The following IL17RD variants were observed in gnomAD, a reference collection of about 807,000 sequenced individuals.
IL17RD encodes interleukin-17 receptor D.
A neutral mutation model predicts 80.5 loss-of-function variants in IL17RD; 52 were observed. That is an observed-to-expected ratio of 0.65 (90% CI 0.52 to 0.81). IL17RD has a LOEUF of 0.81. Ranked by LOEUF, IL17RD falls within the 40% of genes least tolerant of loss-of-function variation. IL17RD has a pLI of 0.00. For missense variants in IL17RD, 1,024 were observed against 955.1 expected (o/e 1.07, Z -0.95); for synonymous variants, 416 against 391.8 (o/e 1.06, Z -0.73).
At chr3:57,137,892 A>G (rs1165063631) in intron 1 of IL17RD, among the ~76,000 whole-genome samples, 1 of 152,248 alleles carries the variant, frequency 6.6e-6, no homozygotes, top group Non-Finnish European at 1.5e-5. Flanking sequence ...TAAAGAGATA[A>G]GAAGACTCAA....
intron 2 of IL17RD, among the ~76,000 whole-genome samples, 198 bp from the exon 3 acceptor site, chr3:57,115,015 T>G (rs965251221): frequency 2.0e-5 from 3 of 152,030 alleles, no homozygotes; most frequent in Non-Finnish European, 4.4e-5. Flanking sequence ...GAGGAATGAT[T>G]TGTAGCACCA....
chr3:57,132,570 T>C (rs1285950236), intron 1 of IL17RD, among the ~76,000 whole-genome samples: 1 of 152,264 alleles, frequency 6.6e-6, no homozygotes, highest in African/African-American at 2.4e-5. Flanking sequence ...CATCCAACTG[T>C]AATCCTTTAT....
rs180767856 is a variant in IL17RD, at chr3:57,124,823, C to T, written c.127-4510G>A. Among the ~76,000 whole-genome samples the T allele has an allele frequency of 4.6e-5, 7 of 152,302 alleles. No homozygotes were observed. The South Asian group carries it at 1.0e-3, about 23-fold the overall frequency. On this transcript the variant is annotated intron_variant, in intron 1 of 12. Coordinates refer to ENST00000296318, the MANE Select transcript of IL17RD (RefSeq NM_017563.5). ...ATAGACCTCCATGTCACACACACGGCACGTGCTGTCATTCCTCCACCCTGC... is the reference window on the plus strand; with the variant it reads ...ATAGACCTCCATGTCACACACACGGTACGTGCTGTCATTCCTCCACCCTGC...
In IL17RD at chr3:57,165,177, TCGGCGCCCCGC is replaced by T; in HGVS notation, c.99_109del (p.Arg34HisfsTer24). On this transcript the variant is annotated frameshift_variant, in exon 1 of 13. Coordinates refer to ENST00000296318, the MANE Select transcript of IL17RD (RefSeq NM_017563.5). LOFTEE classifies it high-confidence loss of function. ...TCGCCTTACCCTCCAGCCACAGGTG[TCGGCGCCCCGC>T]GCGCGGCCGGACCCGCCAGCGGCCA... 2 of 1,526,362 alleles carry T rather than the reference TCGGCGCCCCGC, an allele frequency of 1.3e-6. No homozygotes were observed. The highest frequency in any genetic ancestry group is 1.8e-6 in the Non-Finnish European group (2 of 1,138,330). The allele number at this position is 1,526,362 out of a possible 1,614,324, so 94.6% of individuals were successfully genotyped here.
chr3:57,115,040 T>C (rs1249735372), intron 2 of IL17RD, among the ~76,000 whole-genome samples: 2 of 152,126 alleles, frequency 1.3e-5, no homozygotes, highest in African/African-American at 4.8e-5. Context: ...CACCACCCAC[T>C]CATCCCATGT....
At position 57,097,627 on chromosome 3, in the gene IL17RD, C is replaced by G. The variant is rs528865837; in HGVS notation, c.2076G>C (p.Leu692=). The change falls in exon 12 of 13, where the codon CTG becomes CTC. Residue 692 remains leucine, a synonymous_variant. Transcript: ENST00000296318. The part of the protein sequence containing the change: ...LSTDQTETSS[L]TESVSSSSGL... Reference sequence around the variant, plus strand: ...CTGAAGAGGAGGACACGCTCTCCGTCAGGGAAGACGTTTCTGTCTGGTCCG... The same window carrying G: ...CTGAAGAGGAGGACACGCTCTCCGTGAGGGAAGACGTTTCTGTCTGGTCCG... 1 of 1,588,552 alleles carries G rather than the reference C, an allele frequency of 6.3e-7. No individual in the cohort carries two copies. The highest frequency in any genetic ancestry group is 2.3e-5 in the East Asian group (1 of 43,588).
chr3:57,123,016 G>A (rs1166009061), intron 1 of IL17RD, among the ~76,000 whole-genome samples: 1 of 151,966 alleles, frequency 6.6e-6, no homozygotes, highest in Non-Finnish European at 1.5e-5. Context: ...TTGGGCAATG[G>A]CCAATGCATT....
chr3:57,141,870 C>T (rs1033114738), intron 1 of IL17RD, among the ~76,000 whole-genome samples: 3 of 152,142 alleles, frequency 2.0e-5, no homozygotes, highest in Non-Finnish European at 4.4e-5. Context: ...TGTCTTCCAC[C>T]GCAGGCCTTG....
chr3:57,137,483 G>C (rs1707751596), intron 1 of IL17RD, among the ~76,000 whole-genome samples: 1 of 152,204 alleles, frequency 6.6e-6, no homozygotes, highest in South Asian at 2.1e-4. Context: ...AAGAGGCAAT[G>C]AAACAGCAGC....
At chr3:57,164,901 A>C in intron 1 of IL17RD, 1 of 1,222,696 alleles carries the variant, frequency 8.2e-7, no homozygotes. Flanking sequence ...CGCCCTCTGA[A>C]TGGGACCCCG....
At chr3:57,151,861 A>AAAAC (rs966730901) in intron 1 of IL17RD, among the ~76,000 whole-genome samples, 1 of 152,182 alleles carries the variant, frequency 6.6e-6, no homozygotes, top group African/African-American at 2.4e-5. Flanking sequence ...ACCCTGTCTC[A>AAAAC]AAACAAACAA....
At chr3:57,143,288 T>C (rs1156853767) in intron 1 of IL17RD, among the ~76,000 whole-genome samples, 2 of 152,226 alleles carry the variant, frequency 1.3e-5, no homozygotes, top group Non-Finnish European at 2.9e-5. Flanking sequence ...AGTATTTTGT[T>C]TGCACAGGCA....
intron 1 of IL17RD, among the ~76,000 whole-genome samples, chr3:57,161,574 A>T (rs985859614): frequency 2.6e-5 from 4 of 152,212 alleles, no homozygotes; most frequent in Non-Finnish European, 5.9e-5. Context: ...TCCAGGGATA[A>T]TAGACCAGAG....
At chr3:57,146,947 G>T (rs1281213379) in intron 1 of IL17RD, among the ~76,000 whole-genome samples, 1 of 147,434 alleles carries the variant, frequency 6.8e-6, no homozygotes, top group Non-Finnish European at 1.5e-5. Context: ...TCAGCTTCCC[G>T]AGCAGCTGGG....
At chr3:57,133,100 T>C (rs376596388) in intron 1 of IL17RD, among the ~76,000 whole-genome samples, 13 of 152,346 alleles carry the variant, frequency 8.5e-5, no homozygotes, top group Admixed American at 2.0e-4. Flanking sequence ...GATGTTGGTA[T>C]AAAGCAAAGG....
In IL17RD at chr3:57,094,728, G is replaced by C. The variant is rs1706631747; in HGVS notation, c.*1665C>G. On this transcript the variant is annotated 3_prime_UTR_variant, in exon 13 of 13. Coordinates refer to ENST00000296318, the MANE Select transcript of IL17RD (RefSeq NM_017563.5). The stretch of plus-strand genomic sequence containing the variant: ...GAAATGGCGGGGCAGTCATGTGTGG[G>C]TAGGAGCTCTGCACTCATTCCAGAT... The C allele has an allele frequency of 6.6e-6, 1 of 152,162 alleles. No individual in the cohort carries two copies. The highest frequency in any genetic ancestry group is 2.4e-5 in the African/African-American group (1 of 41,430). 9.4% of individuals were successfully genotyped at this position (152,162 alleles called of 1,614,324 possible).
intron 1 of IL17RD, among the ~76,000 whole-genome samples, chr3:57,123,209 G>A (rs1275538976): frequency 1.3e-5 from 2 of 152,152 alleles, no homozygotes; most frequent in African/African-American, 4.8e-5. Flanking sequence ...ATTCCACCTT[G>A]GCCTAAGACT....
chr3:57,161,425 TA>T (rs1470434491), intron 1 of IL17RD, among the ~76,000 whole-genome samples: 1 of 152,260 alleles, frequency 6.6e-6, no homozygotes, highest in Non-Finnish European at 1.5e-5. Context: ...AGTACCACCC[TA>T]TTCCTTCCTA....
intron 1 of IL17RD, chr3:57,142,523 G>A (rs756357261): frequency 7.8e-6 from 10 of 1,285,862 alleles, no homozygotes; most frequent in Middle Eastern, 2.2e-4. Context: ...CCCTCCAACC[G>A]CCCCGTCTGA....
Sources: allele counts gnomAD v4.1 joint callset (sites outside exome capture counted in the v4.1 genomes callset), GRCh38; gene constraint gnomAD v4.1.1; transcripts MANE v1.5; gene names NCBI Gene and HGNC (gene_info 2026-07-23, HGNC 2026-07-21).